Variants in MYH15 observed in about 807,000 individuals in gnomAD.
The protein encoded by MYH15 is myosin heavy chain 15.
A neutral mutation model predicts 240.5 loss-of-function variants in MYH15; 227 were observed. The ratio of observed to expected loss-of-function variants is 0.94; its 90% CI spans 0.85 to 1.05. MYH15 has a LOEUF of 1.05. Among genes scored for constraint, MYH15 ranks in the 50% least tolerant of loss-of-function variants. The probability of loss-of-function intolerance (pLI) is 0.00; values close to 1 mark genes in which losing one functional copy is unlikely to be tolerated. For synonymous variants in MYH15, 785 were observed against 796.7 expected (o/e 0.99, Z 0.25); for missense variants, 2,217 against 2,247.5 (o/e 0.99, Z 0.27).
chr3:108,476,699 G>A (rs746763410), intron 11 of MYH15, among the ~76,000 whole-genome samples, 184 bp from the exon 12 acceptor site: 17 of 152,202 alleles, frequency 1.1e-4, no homozygotes, highest in African/African-American at 4.1e-4. Flanking sequence ...TTATTTCTTC[G>A]AAATACAAGT....
chr3:108,509,895 A>G (rs1030800311), intron 1 of MYH15, among the ~76,000 whole-genome samples: 2 of 152,000 alleles, frequency 1.3e-5, no homozygotes, highest in Non-Finnish European at 2.9e-5. Flanking sequence ...CAAGTCTCCT[A>G]ATTACCTTTT....
chr3:108,541,360 TAAAC>T, the MYH15 span, among the ~76,000 whole-genome samples: 36 of 150,868 alleles, frequency 2.4e-4, no homozygotes, highest in Non-Finnish European at 5.2e-4. Flanking sequence ...AGCTAAACCA[TAAAC>T]AAAGTCAAAT....
intron 38 of MYH15, among the ~76,000 whole-genome samples, chr3:108,387,081 C>G (rs2082389366): frequency 6.6e-6 from 1 of 152,184 alleles, no homozygotes. Flanking sequence ...AGCCATAGAA[C>G]TGTCATGGAG....
chr3:108,486,184 A>T (rs192623564), intron 10 of MYH15, among the ~76,000 whole-genome samples: 3 of 152,356 alleles, frequency 2.0e-5, no homozygotes, highest in Non-Finnish European at 4.4e-5. Flanking sequence ...TATACACCAA[A>T]TAAAAGAGAT....
chr3:108,391,850 C>A lies in MYH15; in HGVS notation c.5340G>T (p.Gln1780His), dbSNP rs2107536122. ...GCCTTTTCTGTAAGTCTGTAATTGT[C>A]TGCTCCATATTTTCTCTTGTCCTTT... ...HLERTRENMEQTITDLQKRLA... is the reference protein window; with the variant it reads ...HLERTRENMEHTITDLQKRLA... The change falls in exon 37 of 41, where the codon CAG becomes CAT. Residue 1780 changes from glutamine (Q) to histidine (H), a missense_variant. Transcript: ENST00000693548. The A allele has an allele frequency of 1.2e-6, 2 of 1,614,142 alleles. No homozygotes were observed. Among genetic ancestry groups the A allele is most frequent in the South Asian group, 1.1e-5 (1 of 91,086 alleles).
At chr3:108,512,648 C>T (rs1385291750), upstream of MYH15, among the ~76,000 whole-genome samples, 1 of 152,092 alleles carries the variant, frequency 6.6e-6, no homozygotes, top group Non-Finnish European at 1.5e-5. Context: ...CATTTCATTC[C>T]ATTCTAGTCT....
chr3:108,409,466 T>C lies in MYH15; in HGVS notation c.4496-1062A>G, dbSNP rs187602170. On this transcript the variant is annotated intron_variant, in intron 31 of 40. Transcript: ENST00000693548. The stretch of plus-strand genomic sequence containing the variant: ...CCTACTGAGTCAGAAACTCTGGGGG[T>C]GGGCCCCAGCCATCTGTGCTTTAAC... Among the ~76,000 whole-genome samples, 386 of 152,232 alleles carry C rather than the reference T, an allele frequency of 2.5e-3. 1 individual carries two copies. The highest frequency in any genetic ancestry group is 4.0e-3 in the Non-Finnish European group (270 of 68,010).
intron 7 of MYH15, among the ~76,000 whole-genome samples, chr3:108,495,479 CATT>C (rs1008305113): frequency 6.6e-6 from 1 of 151,966 alleles, no homozygotes; most frequent in African/African-American, 2.4e-5. Context: ...AAATATAAAA[CATT>C]ATTATAATTT....
At chr3:108,414,769 G>T (rs960730852) in intron 29 of MYH15, among the ~76,000 whole-genome samples, 7 of 152,162 alleles carry the variant, frequency 4.6e-5, no homozygotes, top group African/African-American at 1.4e-4. Context: ...TTTATATTTA[G>T]CAATATATTA....
In MYH15 at chr3:108,500,862, AGAG is replaced by A. The variant is rs2083431536; in HGVS notation, c.340-591_340-589del. Among the ~76,000 whole-genome samples, 13 of 152,352 alleles carry A rather than the reference AGAG, an allele frequency of 8.5e-5. No homozygotes were observed. The South Asian group carries it at 2.7e-3, about 32-fold the overall frequency. On this transcript the variant is annotated intron_variant, in intron 3 of 40. Transcript: ENST00000693548. ...ACTTGTGTTCTTATAAGAGACACAC[AGAG>A]GAGAAGGTGATGTGACAATGCAGGC...
chr3:108,418,300 C>T (rs1015799224), intron 28 of MYH15, among the ~76,000 whole-genome samples: 5 of 152,182 alleles, frequency 3.3e-5, no homozygotes, highest in Non-Finnish European at 7.3e-5. Flanking sequence ...AAGATATATA[C>T]TCAAGTTGAG....
Position 108,501,747 on chromosome 3 carries a change from T to C in MYH15, c.304A>G (p.Thr102Ala). 1 of 1,614,072 alleles carries C rather than the reference T, an allele frequency of 6.2e-7. No individual in the cohort carries two copies. Among genetic ancestry groups the C allele is most frequent in the Non-Finnish European group, 8.5e-7 (1 of 1,179,976 alleles). Residue 102 changes from threonine to alanine, a missense_variant, in exon 3 of 41, where the codon ACC becomes GCC. Coordinates refer to ENST00000693548, the MANE Select transcript of MYH15 (RefSeq NM_014981.3). Reference sequence around the variant, plus strand: ...CACTGGCCATAGCGCCGCTTCAGGGTATGCAGCACGGATGCCTCATTGAGG... The same window carrying C: ...CACTGGCCATAGCGCCGCTTCAGGGCATGCAGCACGGATGCCTCATTGAGG... ...THLNEASVLH[T>A]LKRRYGQWMI...
rs1047456392 is a variant in MYH15 at position 108,444,867 on chromosome 3, T to C, written c.2428A>G (p.Ile810Val). 4.3e-6 allele frequency: 7 copies of C among 1,613,110 alleles called. No individual in the cohort carries two copies. In the African/African-American group the frequency reaches 6.7e-5, roughly 15 times the overall value. The part of the protein sequence containing the change: ...RDALILIQWN[I>V]RAFMAVKNWP... ...TTCTTCACAGCCATGAAAGCTCTTA[T>C]GTTCCATTGGATCAAAATAAGTGCA... The change falls in exon 22 of 41, where the codon ATA becomes GTA. Residue 810 changes from isoleucine to valine, a missense_variant. Physicochemically the swap from Ile to Val is conservative, Grantham distance 29. Coordinates refer to ENST00000693548, the MANE Select transcript of MYH15 (RefSeq NM_014981.3).
Position 108,399,087 on chromosome 3 carries a change from C to G in MYH15, c.4917G>C (p.Gln1639His). ...AGTTTTAAAATACCTTGATTTGAATCTGAAGCTGGCCCAGGGATTTGGTTG... is the reference window on the plus strand; with the variant it reads ...AGTTTTAAAATACCTTGATTTGAATGTGAAGCTGGCCCAGGGATTTGGTTG... ...SEATKSLGQL[Q>H]IQIKDLQMQL... The change falls in exon 34 of 41, where the codon CAG becomes CAC. Residue 1639 changes from glutamine to histidine, a missense_variant. By Grantham distance (24) the Gln-to-His change is conservative. Transcript: ENST00000693548. 1 of 1,613,394 alleles carries G rather than the reference C, an allele frequency of 6.2e-7. No individual in the cohort carries two copies. The highest frequency in any genetic ancestry group is 8.5e-7 in the Non-Finnish European group (1 of 1,179,620).
chr3:108,469,514 A>G (rs1001153295), intron 14 of MYH15, among the ~76,000 whole-genome samples: 2 of 152,238 alleles, frequency 1.3e-5, no homozygotes, highest in Non-Finnish European at 2.9e-5. Flanking sequence ...TAATTTACTA[A>G]TAAGCCATGA....
chr3:108,540,242 G>A, the MYH15 span, among the ~76,000 whole-genome samples: 1 of 152,096 alleles, frequency 6.6e-6, no homozygotes, highest in Admixed American at 6.6e-5. Flanking sequence ...GATTTGCACT[G>A]GTGAATAAAA....
At chr3:108,403,351 C>T (rs2082521906) in intron 33 of MYH15, among the ~76,000 whole-genome samples, 2 of 152,198 alleles carry the variant, frequency 1.3e-5, no homozygotes, top group African/African-American at 4.8e-5. Flanking sequence ...CAGGTCCTGT[C>T]TTCCTGGGCA....
chr3:108,455,261 CATTTAAGGA>C (rs1560383845), intron 20 of MYH15, among the ~76,000 whole-genome samples: 1 of 152,138 alleles, frequency 6.6e-6, no homozygotes, highest in Non-Finnish European at 1.5e-5. Context: ...TAGGGAATCA[CATTTAAGGA>C]AGTTGGTTTT....
At position 108,444,904 on chromosome 3, in the gene MYH15, A is replaced by G. The variant is rs777939868; in HGVS notation, c.2400-9T>C. 1 of 1,589,424 alleles carries G rather than the reference A, an allele frequency of 6.3e-7. No homozygotes were observed. Among genetic ancestry groups the G allele is most frequent in the Non-Finnish European group, 8.5e-7 (1 of 1,172,096 alleles). ...TCAAAATAAGTGCATCCCTAAATCA[A>G]GAAAGAAAAAAGAAAAGCAAGTTAG... On this transcript the variant is annotated splice_polypyrimidine_tract_variant and intron_variant, in intron 21 of 40. Coordinates refer to ENST00000693548, the MANE Select transcript of MYH15 (RefSeq NM_014981.3).
Sources: gnomAD v4.1 joint callset for allele counts (sites outside exome capture counted in the v4.1 genomes callset) on GRCh38, gnomAD v4.1.1 for gene constraint, MANE v1.5 for transcripts, NCBI Gene and HGNC (gene_info 2026-07-23, HGNC 2026-07-21) for gene names.